EXPH5: variants seen among roughly 807,000 people sequenced by gnomAD.
EXPH5 encodes the protein exophilin 5, also known as exophilin-5.
In EXPH5, 42 loss-of-function variants were observed where a neutral mutation model predicts 41.1. That is an observed-to-expected ratio of 1.02 (90% CI 0.80 to 1.32). The LOEUF (loss-of-function observed/expected upper bound fraction) is 1.32. Ranked by LOEUF, EXPH5 falls within the 40% of genes most tolerant of loss-of-function variation. The pLI is 0.00. For synonymous variants in EXPH5, 798 were observed against 833.5 expected (o/e 0.96, Z 0.73); for missense variants, 2,298 against 2,314.5 (o/e 0.99, Z 0.15).
intron 5 of EXPH5, among the ~76,000 whole-genome samples, chr11:108,516,684 A>G (rs911683994): frequency 2.0e-5 from 3 of 152,218 alleles, no homozygotes; most frequent in African/African-American, 7.2e-5. Flanking sequence ...ATTTTTCCCT[A>G]TCCTATTTTA....
chr11:108,606,414 C>T, the EXPH5 span, among the ~76,000 whole-genome samples: 19 of 152,336 alleles, frequency 1.2e-4, no homozygotes, highest in Middle Eastern at 3.4e-3. Flanking sequence ...AGTCTTGGCT[C>T]AGCTTTACTT....
rs556474163 is a variant in EXPH5, at chr11:108,507,725, G to A, written c.*1812C>T. On this transcript the variant is annotated 3_prime_UTR_variant, in exon 6 of 6. Coordinates refer to ENST00000265843, the MANE Select transcript of EXPH5 (RefSeq NM_015065.3). ...TGCCTTAGAATTTCCCAAGGGTTTC[G>A]TAGATGATCCTGCAGCAAAGAATGA... is the stretch of plus-strand genomic sequence containing the variant. 1.1e-4 allele frequency: 17 copies of A among 152,216 alleles called. No individual in the cohort carries two copies. The highest frequency in any genetic ancestry group is 7.9e-4 in the Admixed American group (12 of 15,282). The allele number at this position is 152,216 out of a possible 1,614,324, so 9.4% of individuals were successfully genotyped here.
chr11:108,567,662 G>T (rs2094040445), intron 1 of EXPH5, among the ~76,000 whole-genome samples: 1 of 152,092 alleles, frequency 6.6e-6, no homozygotes, highest in South Asian at 2.1e-4. Context: ...TATTTGTCAA[G>T]TATTTCTTCA....
At chr11:108,571,633 T>G (rs991066524) in intron 1 of EXPH5, among the ~76,000 whole-genome samples, 3 of 152,050 alleles carry the variant, frequency 2.0e-5, no homozygotes, top group Admixed American at 1.3e-4. Flanking sequence ...CAAACTCGAG[T>G]GCAAATGTAG....
At chr11:108,542,156 A>G (rs1399170039) in intron 1 of EXPH5, among the ~76,000 whole-genome samples, 1 of 152,168 alleles carries the variant, frequency 6.6e-6, no homozygotes, top group Non-Finnish European at 1.5e-5. Flanking sequence ...CTGGGATTAC[A>G]GGAGTGAGCC....
At chr11:108,563,061 G>GT (rs5794597) in intron 1 of EXPH5, among the ~76,000 whole-genome samples, 130,307 of 152,176 alleles carry the variant, frequency 0.86, 56,061 homozygotes, top group East Asian at 0.93. Flanking sequence ...TCTAGTTAGG[G>GT]TTTAAGTCCC....
At position 108,514,968 on chromosome 11, in the gene EXPH5, TC is replaced by T. The variant is rs139856645; in HGVS notation, c.632-94del. ...GAAGGCTCCTTTTCAAGAAACATAA[TC>T]ATTTATAATTTTATTTTTATCATAT... On this transcript the variant is annotated intron_variant, in intron 5 of 5. Transcript: ENST00000265843. 2,231 of 675,638 alleles carry T rather than the reference TC, an allele frequency of 3.3e-3. 35 individuals are homozygous for T. In the African/African-American group the frequency reaches 0.037, roughly 11 times the overall value. 41.9% of individuals were successfully genotyped at this position (675,638 alleles called of 1,614,324 possible). A position where few individuals can be genotyped will look rare whatever the true frequency, so the allele number is the denominator to read the frequency against.
At chr11:108,539,207 A>T in intron 2 of EXPH5, 21 bp from the exon 3 acceptor site, 1 of 1,528,672 alleles carries the variant, frequency 6.5e-7, no homozygotes. Flanking sequence ...AAATTGTAAA[A>T]ATTTTGCATC....
chr11:108,604,160 G>T, the EXPH5 span, among the ~76,000 whole-genome samples: 2 of 151,466 alleles, frequency 1.3e-5, no homozygotes, highest in Non-Finnish European at 2.9e-5. Flanking sequence ...AGAGGCTCAG[G>T]TGGGAGGATT....
chr11:108,554,645 G>A (rs2093982456), intron 1 of EXPH5, among the ~76,000 whole-genome samples: 1 of 152,154 alleles, frequency 6.6e-6, no homozygotes, highest in Non-Finnish European at 1.5e-5. Context: ...ATCATGGCCA[G>A]GCACAGTGGC....
intron 4 of EXPH5, among the ~76,000 whole-genome samples, chr11:108,525,982 G>A (rs887434870): frequency 1.4e-5 from 2 of 143,980 alleles, no homozygotes; most frequent in Admixed American, 7.3e-5. Context: ...TGATGCAATC[G>A]TAGCTCACTG....
rs371895337 is a variant in EXPH5 at position 108,511,918 on chromosome 11, C to G, written c.3589G>C (p.Ala1197Pro). Residue 1197 changes from alanine to proline, a missense_variant, in exon 6 of 6, where the codon GCC becomes CCC. Ala to Pro is a conservative substitution (Grantham distance 27). Transcript: ENST00000265843. ...AGAGCAAATACACTTCTCCTGGAGG[C>G]AGCCATTTTACCCTCTTTCTCAGTG... ...EYTEKEGKMAASRRSVFALSN... is the reference protein window; with the variant it reads ...EYTEKEGKMAPSRRSVFALSN... 316 of 1,597,006 alleles carry G rather than the reference C, an allele frequency of 2.0e-4. 6 individuals are homozygous for G. The South Asian group carries it at 2.8e-3, about 14-fold the overall frequency.
intron 1 of EXPH5, among the ~76,000 whole-genome samples, chr11:108,557,236 T>A (rs964972107): frequency 6.6e-6 from 1 of 152,136 alleles, no homozygotes; most frequent in East Asian, 1.9e-4. Flanking sequence ...TGAGATGGAG[T>A]CTTGTTCTGT....
intron 1 of EXPH5, among the ~76,000 whole-genome samples, chr11:108,562,264 T>G (rs1276128748): frequency 2.1e-5 from 1 of 47,556 alleles, no homozygotes; most frequent in African/African-American, 5.4e-5. Context: ...ATTTTTTCTG[T>G]GTTTTTTTTT....
rs545633927 is a variant in EXPH5 at position 108,514,057 on chromosome 11, C to G, written c.1450G>C (p.Glu484Gln). ...TCAGACCAGAAAGAATGTCCTTTCT[C>G]TTGGCCCCAAAAAGGACCTTGTCCA... Reference protein sequence around the residue: ...RFGQGPFWGQEKGHSFWSDFH... With the variant: ...RFGQGPFWGQQKGHSFWSDFH... Residue 484 changes from glutamate to glutamine, a missense_variant, in exon 6 of 6, where the codon GAG becomes CAG. Glu to Gln is a conservative substitution (Grantham distance 29). Coordinates refer to ENST00000265843, the MANE Select transcript of EXPH5 (RefSeq NM_015065.3). 1.2e-6 allele frequency: 2 copies of G among 1,614,092 alleles called. No individual in the cohort carries two copies. Among genetic ancestry groups the G allele is most frequent in the East Asian group, 2.2e-5 (1 of 44,882 alleles).
At chr11:108,573,380 T>C (rs2094069522) in intron 1 of EXPH5, among the ~76,000 whole-genome samples, 1 of 152,160 alleles carries the variant, frequency 6.6e-6, no homozygotes, top group Non-Finnish European at 1.5e-5. Flanking sequence ...CTACCCTTGG[T>C]TGGGTTTGCC....
At chr11:108,534,227 A>T (rs1331334167) in intron 3 of EXPH5, among the ~76,000 whole-genome samples, 1 of 152,236 alleles carries the variant, frequency 6.6e-6, no homozygotes, top group African/African-American at 2.4e-5. Flanking sequence ...TCATCAATGG[A>T]TGCATGTACA....
intron 1 of EXPH5, among the ~76,000 whole-genome samples, chr11:108,569,951 C>T (rs1226742459): frequency 6.6e-6 from 1 of 152,172 alleles, no homozygotes; most frequent in Non-Finnish European, 1.5e-5. Flanking sequence ...GCTTATCATA[C>T]CCGGCAGCTC....
chr11:108,535,954 G>A (rs1461043441), intron 3 of EXPH5, among the ~76,000 whole-genome samples: 1 of 152,182 alleles, frequency 6.6e-6, no homozygotes, highest in Non-Finnish European at 1.5e-5. Context: ...GCATTTGTGA[G>A]ATTACGAAGT....
Sources: gnomAD v4.1 joint callset for allele counts (sites outside exome capture counted in the v4.1 genomes callset) on GRCh38, gnomAD v4.1.1 for gene constraint, MANE v1.5 for transcripts, NCBI Gene and HGNC (gene_info 2026-07-23, HGNC 2026-07-21) for gene names.